CTNND2: variants seen among roughly 807,000 people sequenced by gnomAD.
The protein encoded by CTNND2 is catenin delta-2.
In CTNND2, 22 loss-of-function variants were observed where a neutral mutation model predicts 144.4. The observed-to-expected ratio is 0.15, with a 90% CI of 0.11 to 0.22. The LOEUF (loss-of-function observed/expected upper bound fraction) is 0.22, where lower values mean the gene tolerates loss of function less well. Ranked by LOEUF, CTNND2 falls within the 10% of genes least tolerant of loss-of-function variation. The pLI is 1.00. For missense variants in CTNND2, 1,353 were observed against 1,618.8 expected (o/e 0.84, Z 2.82); for synonymous variants, 751 against 695.6 (o/e 1.08, Z -1.25).
intron 2 of CTNND2, among the ~76,000 whole-genome samples, chr5:11,649,173 T>C (rs1782519207): frequency 6.6e-6 from 1 of 152,204 alleles, no homozygotes; most frequent in Admixed American, 6.5e-5. Flanking sequence ...TCATATGAGA[T>C]ATGCTTTATT....
intron 9 of CTNND2, among the ~76,000 whole-genome samples, chr5:11,333,957 C>T (rs1031391005): frequency 7.9e-5 from 12 of 152,154 alleles, no homozygotes; most frequent in South Asian, 2.1e-4. Context: ...GGGGTCATTG[C>T]GGCCATCCTA....
intron 16 of CTNND2, among the ~76,000 whole-genome samples, chr5:11,067,768 C>T (rs1244351188): frequency 6.6e-6 from 1 of 152,176 alleles, no homozygotes; most frequent in Non-Finnish European, 1.5e-5. Flanking sequence ...TTAAACCCAT[C>T]CTCTTGATTA....
At chr5:11,109,980 T>TC (rs1190206227) in intron 14 of CTNND2, among the ~76,000 whole-genome samples, 1 of 152,246 alleles carries the variant, frequency 6.6e-6, no homozygotes, top group East Asian at 1.9e-4. Context: ...TTGCTTTTTT[T>TC]CACTTTACTT....
intron 3 of CTNND2, among the ~76,000 whole-genome samples, chr5:11,454,913 T>G (rs531124983): frequency 1.3e-5 from 2 of 151,840 alleles, no homozygotes; most frequent in East Asian, 3.9e-4. Flanking sequence ...TTTTTTTTTC[T>G]TTCCAGAAGA....
rs1250307248 is a variant in CTNND2 at position 11,615,308 on chromosome 5, T to C, written c.175-50252A>G. Among the ~76,000 whole-genome samples the C allele has an allele frequency of 4.6e-5, 7 of 152,188 alleles. No individual in the cohort carries two copies. The East Asian group carries it at 1.3e-3, about 29-fold the overall frequency. ...ACCATGAAAAACAGTGGTTATAACT[T>C]TGAAGGACAATATTCATAATTATTT... is the stretch of plus-strand genomic sequence containing the variant. On this transcript the variant is annotated intron_variant, in intron 2 of 21. Coordinates refer to ENST00000304623, the MANE Select transcript of CTNND2 (RefSeq NM_001332.4).
At chr5:11,070,016 A>G (rs928048095) in intron 16 of CTNND2, among the ~76,000 whole-genome samples, 1 of 152,228 alleles carries the variant, frequency 6.6e-6, no homozygotes, top group African/African-American at 2.4e-5. Flanking sequence ...AAGAATTACC[A>G]ACTTCAGTCT....
At chr5:11,440,854 T>C (rs1581201619) in intron 3 of CTNND2, among the ~76,000 whole-genome samples, 2 of 152,338 alleles carry the variant, frequency 1.3e-5, no homozygotes, top group African/African-American at 4.8e-5. Context: ...CTATTATCCA[T>C]AAAATTGTCA....
chr5:11,390,297 C>T (rs373895263), intron 6 of CTNND2, among the ~76,000 whole-genome samples: 5 of 152,298 alleles, frequency 3.3e-5, no homozygotes, highest in South Asian at 2.1e-4. Flanking sequence ...AAGTGGCACT[C>T]GTTTTAGTGC....
At chr5:11,161,043 A>T (rs895516465) in intron 11 of CTNND2, among the ~76,000 whole-genome samples, 4 of 152,236 alleles carry the variant, frequency 2.6e-5, no homozygotes, top group African/African-American at 9.6e-5. Flanking sequence ...TGCAAAGGAA[A>T]CAAAATGTTT....
intron 1 of CTNND2, among the ~76,000 whole-genome samples, chr5:11,792,071 C>T (rs1468080006): frequency 6.6e-6 from 1 of 152,114 alleles, no homozygotes; most frequent in Admixed American, 6.5e-5. Flanking sequence ...GGGAATGAAA[C>T]CAGAATTTCT....
At chr5:11,717,531 CA>C (rs1281816270) in intron 2 of CTNND2, among the ~76,000 whole-genome samples, 1 of 149,410 alleles carries the variant, frequency 6.7e-6, no homozygotes, top group African/African-American at 2.5e-5. Flanking sequence ...GAGCTGAGAT[CA>C]CGCCACTGCA....
Position 11,274,148 on chromosome 5 carries a change from A to C in CTNND2, c.1629-37325T>G, listed in dbSNP as rs544228761. ...AACATTCATCACTTGTTCTCATTCT[A>C]ACTAGGGGCTGAGCCAAGGTACTTT... is the stretch of plus-strand genomic sequence containing the variant. On this transcript the variant is annotated intron_variant, in intron 9 of 21. Transcript: ENST00000304623. Among the ~76,000 whole-genome samples the C allele has an allele frequency of 2.6e-5, 4 of 152,302 alleles. No homozygotes were observed. The South Asian group carries it at 8.3e-4, about 32-fold the overall frequency.
intron 3 of CTNND2, among the ~76,000 whole-genome samples, chr5:11,503,343 T>C (rs1313854099): frequency 6.6e-6 from 1 of 152,212 alleles, no homozygotes; most frequent in Non-Finnish European, 1.5e-5. Context: ...AAACTATGAC[T>C]CTAAACTCTT....
In CTNND2 at chr5:11,520,988, C is replaced by T. The variant is rs189951661; in HGVS notation, c.287+43956G>A. On this transcript the variant is annotated intron_variant, in intron 3 of 21. Coordinates refer to ENST00000304623, the MANE Select transcript of CTNND2 (RefSeq NM_001332.4). ...AAATCACGTTGTGCTATTTGGTTTACAGTTTACGTGATACGATTTTCATTG... is the reference window on the plus strand; with the variant it reads ...AAATCACGTTGTGCTATTTGGTTTATAGTTTACGTGATACGATTTTCATTG... Among the ~76,000 whole-genome samples the T allele has an allele frequency of 2.3e-3, 345 of 152,238 alleles. 2 individuals are homozygous for T. Among genetic ancestry groups the T allele is most frequent in the African/African-American group, 7.9e-3 (328 of 41,542 alleles).
intron 9 of CTNND2, among the ~76,000 whole-genome samples, chr5:11,295,448 C>A (rs966959461): frequency 2.6e-4 from 39 of 152,162 alleles, no homozygotes; most frequent in African/African-American, 9.4e-4. Flanking sequence ...CATCAAGCTA[C>A]CAATGACTTT....
chr5:11,802,339 AG>A (rs1404663209), intron 1 of CTNND2, among the ~76,000 whole-genome samples: 12 of 152,098 alleles, frequency 7.9e-5, no homozygotes, highest in Non-Finnish European at 1.5e-4. Context: ...AGACTAAGGC[AG>A]GAGGATCACC....
chr5:11,585,157 T>C (rs1348733020), intron 2 of CTNND2, among the ~76,000 whole-genome samples: 2 of 152,108 alleles, frequency 1.3e-5, no homozygotes, highest in African/African-American at 4.8e-5. Context: ...TTTAAGGTTG[T>C]TTCACTAAGA....
intron 16 of CTNND2, among the ~76,000 whole-genome samples, chr5:11,037,131 T>C (rs554785810): frequency 8.5e-5 from 13 of 152,286 alleles, no homozygotes; most frequent in Non-Finnish European, 1.8e-4. Flanking sequence ...CAAACACACA[T>C]TGGATGGAAT....
intron 1 of CTNND2, among the ~76,000 whole-genome samples, chr5:11,846,681 G>C (rs928532336): frequency 2.0e-5 from 3 of 152,072 alleles, no homozygotes; most frequent in Admixed American, 6.6e-5. Context: ...GAAAGTATCT[G>C]CAAAATATGC....
Sources: allele counts gnomAD v4.1 joint callset (sites outside exome capture counted in the v4.1 genomes callset), GRCh38; gene constraint gnomAD v4.1.1; transcripts MANE v1.5; gene names NCBI Gene and HGNC (gene_info 2026-07-23, HGNC 2026-07-21).